CMTM4: variants seen among roughly 807,000 people sequenced by gnomAD.
The protein encoded by CMTM4 is CKLF-like MARVEL transmembrane domain-containing protein 4.
In CMTM4, 8 loss-of-function variants were observed where a neutral mutation model predicts 19.0. That is an observed-to-expected ratio of 0.42 (90% CI 0.25 to 0.76). CMTM4 has a LOEUF of 0.76. Among genes scored for constraint, CMTM4 ranks in the 30% least tolerant of loss-of-function variants. The probability of loss-of-function intolerance (pLI) is 0.27; values close to 1 mark genes in which losing one functional copy is unlikely to be tolerated. For missense variants in CMTM4, 228 were observed against 290.2 expected, an observed-to-expected ratio of 0.79 and a Z score of 1.56; for synonymous variants, 106 against 121.1, an observed-to-expected ratio of 0.88 and a Z score of 0.82.
At chr16:66,665,996 C>T (rs181986535) in intron 1 of CMTM4, among the ~76,000 whole-genome samples, 23 of 151,992 alleles carry the variant, frequency 1.5e-4, no homozygotes, top group Admixed American at 1.1e-3. Flanking sequence ...GGCTTGAACC[C>T]AGGAAACGGA....
intron 1 of CMTM4, among the ~76,000 whole-genome samples, chr16:66,670,478 G>A (rs1315861951): frequency 4.1e-5 from 6 of 145,454 alleles, no homozygotes; most frequent in Middle Eastern, 4.3e-3. Context: ...TTCTCTATAC[G>A]TATATTGCAC....
the CMTM4 span, among the ~76,000 whole-genome samples, chr16:66,603,521 T>C: frequency 6.6e-6 from 1 of 152,110 alleles, no homozygotes; most frequent in African/African-American, 2.4e-5. Context: ...ACTCCTGACC[T>C]CGTGATCCAC....
At position 66,616,065 on chromosome 16, in the gene CMTM4, G is replaced by A. The variant is rs1341944385; in HGVS notation, c.*5993C>T. On this transcript the variant is annotated 3_prime_UTR_variant, in exon 4 of 4. Transcript: ENST00000394106. ...TTCTTCTTTAAAATACATACGAAGT[G>A]TAAAGAGAAAATGGCCAAAACCTCA... 6.6e-6 allele frequency: 1 copy of A among 151,982 alleles called. No individual in the cohort carries two copies. The highest frequency in any genetic ancestry group is 2.4e-5 in the African/African-American group (1 of 41,374). The allele number at this position is 151,982 out of a possible 1,614,324, so 9.4% of individuals were successfully genotyped here. A position where few individuals can be genotyped will look rare whatever the true frequency, so the allele number is the denominator to read the frequency against.
intron 1 of CMTM4, among the ~76,000 whole-genome samples, chr16:66,660,881 A>C (rs2016488275): frequency 6.6e-6 from 1 of 152,092 alleles, no homozygotes; most frequent in African/African-American, 2.4e-5. Flanking sequence ...TCGCTGTGCT[A>C]AGTGAGGAAG....
intron 1 of CMTM4, among the ~76,000 whole-genome samples, chr16:66,667,017 C>T (rs560440323): frequency 6.6e-6 from 1 of 152,262 alleles, no homozygotes; most frequent in Non-Finnish European, 1.5e-5. Flanking sequence ...TGCACATGTA[C>T]CCCCTGTATC....
rs1028261685 is a variant in CMTM4 at position 66,617,555 on chromosome 16, C to T, written c.*4503G>A. On this transcript the variant is annotated 3_prime_UTR_variant, in exon 4 of 4. Transcript: ENST00000394106. The stretch of plus-strand genomic sequence containing the variant: ...CGGAAGAAAATTTTTCTAGACCTAA[C>T]AGATATTGACGGTATTTTCTCTCAC... 3 of 1,337,472 alleles carry T rather than the reference C, an allele frequency of 2.2e-6. No individual in the cohort carries two copies. The highest frequency in any genetic ancestry group is 1.9e-6 in the Non-Finnish European group (2 of 1,044,464). 82.9% of individuals were successfully genotyped at this position (1,337,472 alleles called of 1,614,324 possible).
intron 1 of CMTM4, among the ~76,000 whole-genome samples, chr16:66,673,996 C>T (rs2016759816): frequency 1.3e-5 from 2 of 152,248 alleles, no homozygotes. Flanking sequence ...GCAGCCAGTG[C>T]TCATCAGCCC....
At chr16:66,604,793 C>A in the CMTM4 span, 1 of 1,231,916 alleles carries the variant, frequency 8.1e-7, no homozygotes, top group Non-Finnish European at 1.0e-6. Flanking sequence ...CCGGCCCTAC[C>A]GCCGCCGCCG....
chr16:66,608,247 G>A, the CMTM4 span: 2 of 1,586,560 alleles, frequency 1.3e-6, no homozygotes, highest in East Asian at 4.5e-5. The surrounding 1 kb of genome is among the most constrained non-coding windows in gnomAD (Gnocchi z 5.1). Context: ...GCCTGGCTCA[G>A]AGGAGCACTG....
At chr16:66,695,793 T>C (rs188836184) in intron 1 of CMTM4, among the ~76,000 whole-genome samples, 16 of 152,224 alleles carry the variant, frequency 1.1e-4, no homozygotes, top group Non-Finnish European at 2.2e-4. Flanking sequence ...GTGTAGAGAA[T>C]TGTGGGCATA....
chr16:66,657,757 T>C (rs1053491224), intron 1 of CMTM4, among the ~76,000 whole-genome samples: 3 of 152,232 alleles, frequency 2.0e-5, no homozygotes, highest in Non-Finnish European at 2.9e-5. Context: ...CCTTTAGAGG[T>C]TGCTAAAGCA....
At chr16:66,689,984 G>T (rs1361295604) in intron 1 of CMTM4, among the ~76,000 whole-genome samples, 2 of 152,104 alleles carry the variant, frequency 1.3e-5, no homozygotes, top group Non-Finnish European at 2.9e-5. Flanking sequence ...TGAGATCGTG[G>T]ATTATAATTT....
intron 1 of CMTM4, among the ~76,000 whole-genome samples, chr16:66,680,737 G>GCA (rs1347903621): frequency 8.0e-6 from 1 of 124,228 alleles, no homozygotes; most frequent in Non-Finnish European, 1.6e-5. Flanking sequence ...TCGTGCCACT[G>GCA]CACTCCAGCC....
At chr16:66,612,771 C>T (rs1369180924), downstream of CMTM4, 2 of 856,074 alleles carry the variant, frequency 2.3e-6, no homozygotes, top group Non-Finnish European at 3.7e-6. The surrounding 1 kb of genome is among the most constrained non-coding windows in gnomAD (Gnocchi z 6.0). Context: ...AGGCCCCCTA[C>T]AGCCTCAGGT....
chr16:66,609,156 C>T, the CMTM4 span, among the ~76,000 whole-genome samples: 1 of 151,726 alleles, frequency 6.6e-6, no homozygotes, highest in South Asian at 2.1e-4. This position sits in a 1 kb window ranked among gnomAD's most constrained non-coding sequence, Gnocchi z 4.4. Flanking sequence ...GCTTCCACCG[C>T]ATCGCAGGGC....
intron 1 of CMTM4, among the ~76,000 whole-genome samples, chr16:66,683,135 A>ATATATACGTGTATATATATATG (rs2016949412): frequency 1.5e-5 from 2 of 135,566 alleles, no homozygotes; most frequent in African/African-American, 5.4e-5. Context: ...GTGTGTATAT[A>ATATATACGTGTATATATATATG]TATATATATA....
At chr16:66,657,897 C>T (rs573465908) in intron 1 of CMTM4, among the ~76,000 whole-genome samples, 11 of 152,124 alleles carry the variant, frequency 7.2e-5, no homozygotes, top group African/African-American at 2.6e-4. Context: ...TACAAAATTC[C>T]AGTTAATAAA....
chr16:66,608,743 G>A, the CMTM4 span, among the ~76,000 whole-genome samples: 1 of 152,308 alleles, frequency 6.6e-6, no homozygotes, highest in African/African-American at 2.4e-5. This position sits in a 1 kb window ranked among gnomAD's most constrained non-coding sequence, Gnocchi z 5.1. Context: ...TCCCCACCGG[G>A]CCTACAGGAA....
At chr16:66,623,811 C>T (rs1474467183) in intron 2 of CMTM4, among the ~76,000 whole-genome samples, 1 of 152,162 alleles carries the variant, frequency 6.6e-6, no homozygotes, top group South Asian at 2.1e-4. Context: ...TTTTAAAAAC[C>T]ACACTCAAAT....
Sources: allele counts gnomAD v4.1 joint callset (sites outside exome capture counted in the v4.1 genomes callset), GRCh38; gene constraint gnomAD v4.1.1; non-coding constraint Gnocchi (gnomAD v3.1); transcripts MANE v1.5; gene names NCBI Gene and HGNC (gene_info 2026-07-23, HGNC 2026-07-21).